Variants in PDE4D observed in about 807,000 individuals in gnomAD.
PDE4D encodes the protein phosphodiesterase 4D, also known as 3',5'-cyclic-AMP phosphodiesterase 4D.
Under a neutral mutation model 87.4 loss-of-function variants are expected in PDE4D, and 24 were observed. The ratio of observed to expected loss-of-function variants is 0.27; its 90% confidence interval spans 0.20 to 0.39. PDE4D has a LOEUF of 0.39. Among genes scored for constraint, PDE4D ranks in the 10% least tolerant of loss-of-function variants. The pLI is 1.00. For synonymous variants in PDE4D, 384 were observed against 383.2 expected (o/e 1.00, Z -0.02); for missense variants, 714 against 1,041.0 (o/e 0.69, Z 4.32).
intron 1 of PDE4D, among the ~76,000 whole-genome samples, chr5:59,546,183 T>C (rs115133210): frequency 1.3e-5 from 2 of 152,174 alleles, no homozygotes; most frequent in South Asian, 4.1e-4. Flanking sequence ...TAGGAGCTCA[T>C]AGAAATGTTA....
chr5:60,496,990 T>G (rs191157488), intron 1 of PDE4D, among the ~76,000 whole-genome samples: 46 of 152,368 alleles, frequency 3.0e-4, no homozygotes, highest in Non-Finnish European at 4.7e-4. Flanking sequence ...TTATCATAAT[T>G]TACTATACCA....
intron 2 of PDE4D, among the ~76,000 whole-genome samples, chr5:60,059,216 T>A (rs1448541862): frequency 6.6e-6 from 1 of 152,012 alleles, no homozygotes; most frequent in Non-Finnish European, 1.5e-5. Context: ...CAGAGAACAC[T>A]GTTGGCAGCT....
intron 1 of PDE4D, among the ~76,000 whole-genome samples, chr5:59,257,082 T>C (rs16889479): frequency 0.27 from 41,710 of 151,996 alleles, 6,180 homozygotes; most frequent in Admixed American, 0.37. Flanking sequence ...GTTGAAATAA[T>C]TACAATGCAA....
chr5:60,039,872 A>G (rs1768265180), intron 2 of PDE4D, among the ~76,000 whole-genome samples: 1 of 152,204 alleles, frequency 6.6e-6, no homozygotes, highest in African/African-American at 2.4e-5. Context: ...CAAAAAATAA[A>G]CAGAGCCAGT....
chr5:59,345,986 T>C (rs1372097217), intron 1 of PDE4D, among the ~76,000 whole-genome samples: 1 of 152,128 alleles, frequency 6.6e-6, no homozygotes, highest in African/African-American at 2.4e-5. Context: ...CCATCAACAC[T>C]AGAATAAGTA....
intron 1 of PDE4D, among the ~76,000 whole-genome samples, chr5:60,355,350 G>C (rs1368206368): frequency 6.6e-6 from 1 of 152,098 alleles, no homozygotes; most frequent in East Asian, 1.9e-4. Context: ...AGAATATCTG[G>C]CTGCACAACT....
chr5:59,179,580 A>C lies in PDE4D; in HGVS notation c.808+1015T>G, dbSNP rs1740987536. ...CTTGATGACATTCAGAAAAGATGAC[A>C]TTAACAATGATTCCAGAATCAACTC... On this transcript the variant is annotated intron_variant, in intron 5 of 14. Coordinates refer to ENST00000340635, the MANE Select transcript of PDE4D (RefSeq NM_001104631.2). 7.6e-6 allele frequency: 3 copies of C among 393,000 alleles called. No homozygotes were observed. In the Admixed American group the frequency reaches 1.1e-4, roughly 15 times the overall value. 24.3% of individuals were successfully genotyped at this position (393,000 alleles called of 1,614,324 possible).
At chr5:59,961,990 CA>C (rs1447664149) in intron 3 of PDE4D, among the ~76,000 whole-genome samples, 1 of 152,098 alleles carries the variant, frequency 6.6e-6, no homozygotes, top group African/African-American at 2.4e-5. Flanking sequence ...AATGTTTAAA[CA>C]AGTGAAAAAT....
intron 1 of PDE4D, among the ~76,000 whole-genome samples, chr5:59,353,309 G>A (rs1367645229): frequency 2.0e-5 from 3 of 151,694 alleles, no homozygotes; most frequent in Non-Finnish European, 4.4e-5. Flanking sequence ...CCACAGGCTT[G>A]CTAAATCTTT....
chr5:59,924,302 A>G (rs2164240), intron 3 of PDE4D, among the ~76,000 whole-genome samples: 59,102 of 152,000 alleles, frequency 0.39, 12,789 homozygotes, highest in East Asian at 0.83. Context: ...AGACATAGGG[A>G]TAAAAAGTGT....
At chr5:59,662,123 A>G (rs1013124972) in intron 1 of PDE4D, among the ~76,000 whole-genome samples, 8 of 152,174 alleles carry the variant, frequency 5.3e-5, no homozygotes, top group African/African-American at 1.9e-4. Flanking sequence ...CCTGGGCCAC[A>G]GTTCCGTTGT....
intron 1 of PDE4D, among the ~76,000 whole-genome samples, chr5:60,480,837 A>C (rs1371531456): frequency 6.6e-6 from 1 of 152,168 alleles, no homozygotes. Flanking sequence ...GAAGAATGCA[A>C]GTGCCTATTA....
At chr5:59,976,671 C>G (rs903350502) in intron 3 of PDE4D, among the ~76,000 whole-genome samples, 1 of 152,194 alleles carries the variant, frequency 6.6e-6, no homozygotes, top group Non-Finnish European at 1.5e-5. Context: ...CAGACTAACA[C>G]ATTGCTTTAT....
intron 1 of PDE4D, among the ~76,000 whole-genome samples, chr5:60,341,129 TGG>T (rs1758279761): frequency 4.6e-5 from 7 of 151,318 alleles, no homozygotes; most frequent in Non-Finnish European, 7.4e-5. Flanking sequence ...GAAAAATGTT[TGG>T]TTTTTTTTTC....
chr5:59,223,902 A>G (rs991796782), intron 1 of PDE4D, among the ~76,000 whole-genome samples: 7 of 152,028 alleles, frequency 4.6e-5, no homozygotes, highest in Non-Finnish European at 8.8e-5. Context: ...TATACTACAC[A>G]TGTTAGCTTG....
intron 3 of PDE4D, among the ~76,000 whole-genome samples, chr5:59,930,156 C>G (rs1214553485): frequency 8.4e-6 from 1 of 118,426 alleles, no homozygotes. Context: ...GAGCGAGACT[C>G]CGTCTCCAAA....
At chr5:59,111,821 A>G (rs1432480636) in intron 5 of PDE4D, among the ~76,000 whole-genome samples, 1 of 152,240 alleles carries the variant, frequency 6.6e-6, no homozygotes, top group African/African-American at 2.4e-5. Context: ...AACAGAACTG[A>G]GTACATCGAT....
At chr5:60,105,154 G>C (rs1262299756) in intron 2 of PDE4D, among the ~76,000 whole-genome samples, 2 of 152,220 alleles carry the variant, frequency 1.3e-5, no homozygotes, top group African/African-American at 4.8e-5. Context: ...AACCAATACA[G>C]AGAAGTCCTT....
rs535989036 is a variant in PDE4D, at chr5:59,174,956, T to C, written c.808+5639A>G. On this transcript the variant is annotated intron_variant, in intron 5 of 14. Transcript: ENST00000340635. ...ATTGAGGATGATTAAATAAACATATTGGAAATATGGAAATTCAGAAGCATT... is the reference window on the plus strand; with the variant it reads ...ATTGAGGATGATTAAATAAACATATCGGAAATATGGAAATTCAGAAGCATT... Among the ~76,000 whole-genome samples the C allele has an allele frequency of 3.3e-5, 5 of 152,318 alleles. No homozygotes were observed. In the South Asian group the frequency reaches 1.0e-3, roughly 32 times the overall value.
Sources: gnomAD v4.1 joint callset for allele counts (sites outside exome capture counted in the v4.1 genomes callset) on GRCh38, gnomAD v4.1.1 for gene constraint, MANE v1.5 for transcripts, NCBI Gene and HGNC (gene_info 2026-07-23, HGNC 2026-07-21) for gene names.